Variants in LRMDA observed in about 807,000 individuals in gnomAD.
LRMDA encodes leucine rich melanocyte differentiation associated, also known as leucine-rich melanocyte differentiation-associated protein.
LRMDA carries 18 observed loss-of-function variants against 29.8 expected under a neutral mutation model. The observed-to-expected ratio is 0.60, with a 90% CI of 0.42 to 0.90. The LOEUF is 0.90. Among genes scored for constraint, LRMDA ranks in the 40% least tolerant of loss-of-function variants. The pLI, the probability that LRMDA is intolerant of heterozygous loss-of-function variation, is 0.00. For synonymous variants in LRMDA, 125 were observed against 109.4 expected (o/e 1.14, Z -0.89); for missense variants, 273 against 273.9 (o/e 1.00, Z 0.02).
chr10:76,555,296 C>T (rs1843542349), intron 6 of LRMDA, among the ~76,000 whole-genome samples: 2 of 151,924 alleles, frequency 1.3e-5, no homozygotes, highest in African/African-American at 4.8e-5. Context: ...TAATTTAGGT[C>T]CCAAGAAGGG....
At chr10:75,688,622 G>A (rs78438161) in intron 2 of LRMDA, among the ~76,000 whole-genome samples, 8,473 of 152,350 alleles carry the variant, frequency 0.056, 340 homozygotes, top group Non-Finnish European at 0.081. Flanking sequence ...AGTTGAAAAA[G>A]CAGAAGCAGG....
chr10:75,709,424 G>T lies in LRMDA; in HGVS notation c.131+270930G>T, dbSNP rs567850180. Among the ~76,000 whole-genome samples, 74 of 151,206 alleles carry T rather than the reference G, an allele frequency of 4.9e-4. No individual in the cohort carries two copies. The South Asian group carries it at 5.0e-3, about 10-fold the overall frequency. On this transcript the variant is annotated intron_variant, in intron 2 of 6. Coordinates refer to ENST00000611255, the MANE Select transcript of LRMDA (RefSeq NM_001305581.2). ...CATGTGTGTGTGTCTGTGTGTACGT[G>T]TGTGTGTGTGTGTCTGTGTATGTGC... is the stretch of plus-strand genomic sequence containing the variant.
At chr10:76,232,811 C>A (rs1460358154) in intron 5 of LRMDA, among the ~76,000 whole-genome samples, 1 of 152,202 alleles carries the variant, frequency 6.6e-6, no homozygotes, top group Admixed American at 6.5e-5. Flanking sequence ...GGTGGTCCCC[C>A]TACCCAAAGG....
Position 75,942,333 on chromosome 10 carries a change from A to G in LRMDA, c.132-93675A>G, listed in dbSNP as rs144614589. Reference sequence around the variant, plus strand: ...TGCTCATCTCTTTCCCAAAGCCTGAACAAGGAGCTTGGGACCACTATAAAC... The same window carrying G: ...TGCTCATCTCTTTCCCAAAGCCTGAGCAAGGAGCTTGGGACCACTATAAAC... On this transcript the variant is annotated intron_variant, in intron 2 of 6. Transcript: ENST00000611255. Among the ~76,000 whole-genome samples, 636 of 152,324 alleles carry G rather than the reference A, an allele frequency of 4.2e-3. 4 individuals carry two copies. The highest frequency in any genetic ancestry group is 0.014 in the African/African-American group (569 of 41,582).
intron 5 of LRMDA, among the ~76,000 whole-genome samples, chr10:76,063,487 G>A (rs1009242701): frequency 6.6e-6 from 1 of 152,046 alleles, no homozygotes; most frequent in African/African-American, 2.4e-5. Flanking sequence ...TGTAGTTTGT[G>A]TATTTGTGTA....
At chr10:76,236,952 A>G (rs563126866) in intron 5 of LRMDA, among the ~76,000 whole-genome samples, 15 of 152,374 alleles carry the variant, frequency 9.8e-5, no homozygotes, top group South Asian at 4.1e-4. Context: ...GTTGATAAGC[A>G]TAAACAGTGT....
chr10:75,690,960 C>T (rs1337736299), intron 2 of LRMDA, among the ~76,000 whole-genome samples: 9 of 132,990 alleles, frequency 6.8e-5, no homozygotes, highest in Non-Finnish European at 1.2e-4. Context: ...AGAGCAAGAC[C>T]CTGTCTCTTA....
intron 5 of LRMDA, among the ~76,000 whole-genome samples, chr10:76,212,523 T>G (rs1851655180): frequency 1.3e-5 from 2 of 152,144 alleles, no homozygotes; most frequent in African/African-American, 4.8e-5. Flanking sequence ...CCAATAAAAG[T>G]ATGAATATTA....
intron 2 of LRMDA, among the ~76,000 whole-genome samples, chr10:75,878,755 C>G (rs1179724013): frequency 3.9e-5 from 6 of 152,136 alleles, no homozygotes; most frequent in African/African-American, 9.7e-5. Flanking sequence ...CCTGCCCCCT[C>G]CTGTATCAAA....
intron 2 of LRMDA, among the ~76,000 whole-genome samples, chr10:75,466,032 C>G (rs746311625): frequency 2.6e-5 from 4 of 152,218 alleles, no homozygotes; most frequent in Non-Finnish European, 5.9e-5. Context: ...CTACAGAATT[C>G]AGGCTGCTGA....
At chr10:75,550,850 G>A (rs984204068) in intron 2 of LRMDA, among the ~76,000 whole-genome samples, 3 of 152,034 alleles carry the variant, frequency 2.0e-5, no homozygotes. Flanking sequence ...GCTTTAGGGT[G>A]TACAGTATAT....
At chr10:76,237,386 G>T (rs575510293) in intron 5 of LRMDA, among the ~76,000 whole-genome samples, 1 of 152,174 alleles carries the variant, frequency 6.6e-6, no homozygotes, top group South Asian at 2.1e-4. Context: ...GAACATTTTT[G>T]GTTTTACAGA....
chr10:76,209,028 C>A (rs1851588353), intron 5 of LRMDA, among the ~76,000 whole-genome samples: 1 of 151,986 alleles, frequency 6.6e-6, no homozygotes, highest in East Asian at 1.9e-4. Context: ...GTGGTGGGCA[C>A]CTATAATTCC....
Position 76,557,213 on chromosome 10 carries a change from C to A in LRMDA, c.606C>A (p.Val202=), listed in dbSNP as rs773084392. The A allele has an allele frequency of 4.3e-6, 7 of 1,613,740 alleles. No individual in the cohort carries two copies. The Admixed American group carries it at 1.0e-4, about 23-fold the overall frequency. Residue 202 remains valine, a synonymous_variant, in exon 7 of 7, where the codon GTC becomes GTA. Transcript: ENST00000611255. ...TGTGTGTCTTTTTATTTGCAGGTGT[C>A]CTGGGGAAGTGTCGCTACGTTTACT... ...ASRELTSHQG[V]LGKCRYVYYG...
At chr10:76,384,020 T>G (rs1435148697) in intron 6 of LRMDA, among the ~76,000 whole-genome samples, 1 of 151,952 alleles carries the variant, frequency 6.6e-6, no homozygotes, top group East Asian at 1.9e-4. Flanking sequence ...CTCTCCCCCT[T>G]TCCATCCCAC....
At chr10:76,056,084 T>G (rs1158870816) in intron 4 of LRMDA, among the ~76,000 whole-genome samples, 1 of 152,222 alleles carries the variant, frequency 6.6e-6, no homozygotes, top group African/African-American at 2.4e-5. Flanking sequence ...AGGTGCTTTA[T>G]TAAGCAACAG....
At chr10:76,510,182 T>C (rs998917131) in intron 6 of LRMDA, among the ~76,000 whole-genome samples, 1 of 152,188 alleles carries the variant, frequency 6.6e-6, no homozygotes, top group African/African-American at 2.4e-5. Flanking sequence ...GCGATTCTCC[T>C]GCCTCAACCT....
At chr10:75,801,294 A>G (rs1405651690) in intron 2 of LRMDA, among the ~76,000 whole-genome samples, 1 of 152,188 alleles carries the variant, frequency 6.6e-6, no homozygotes, top group African/African-American at 2.4e-5. Flanking sequence ...TTCCCTTCAC[A>G]ATCTCCAACC....
intron 6 of LRMDA, among the ~76,000 whole-genome samples, chr10:76,407,903 G>A (rs1467411346): frequency 6.6e-6 from 1 of 152,154 alleles, no homozygotes; most frequent in Non-Finnish European, 1.5e-5. Flanking sequence ...GTTAAACATA[G>A]AGTTTTAGAT....
Sources: allele counts gnomAD v4.1 joint callset (sites outside exome capture counted in the v4.1 genomes callset), GRCh38; gene constraint gnomAD v4.1.1; transcripts MANE v1.5; gene names NCBI Gene and HGNC (gene_info 2026-07-23, HGNC 2026-07-21).